The following C16orf87 variants were observed in gnomAD, a reference collection of about 807,000 sequenced individuals.
C16orf87 encodes HDAC and MIER1 interacting protein 1, also known as UPF0547 protein C16orf87.
In C16orf87, 13 loss-of-function variants were observed where a neutral mutation model predicts 21.0. The observed-to-expected ratio is 0.62, with a 90% confidence interval of 0.40 to 0.98. The LOEUF (loss-of-function observed/expected upper bound fraction) is 0.98, where lower values mean the gene tolerates loss of function less well. Ranked by LOEUF, C16orf87 falls within the 50% of genes least tolerant of loss-of-function variation. C16orf87 has a pLI of 0.00. For synonymous variants in C16orf87, 49 were observed against 60.2 expected, an observed-to-expected ratio of 0.81 and a Z score of 0.86; for missense variants, 113 against 180.4, an observed-to-expected ratio of 0.63 and a Z score of 2.14.
At chr16:46,819,490 A>T (rs933491640) in intron 2 of C16orf87, among the ~76,000 whole-genome samples, 1 of 151,442 alleles carries the variant, frequency 6.6e-6, no homozygotes, top group Non-Finnish European at 1.5e-5. Flanking sequence ...TTGTATTTTT[A>T]GCAGAGACGG....
chr16:46,814,404 A>T (rs775471496), intron 2 of C16orf87, among the ~76,000 whole-genome samples: 1 of 152,220 alleles, frequency 6.6e-6, no homozygotes, highest in Non-Finnish European at 1.5e-5. Context: ...GGAACAGAGC[A>T]ATGTGCAAGA....
intron 1 of C16orf87, 85 bp downstream of exon 1, chr16:46,830,999 C>T: frequency 5.3e-6 from 6 of 1,129,926 alleles, no homozygotes; most frequent in Non-Finnish European, 7.5e-6. Flanking sequence ...CGCTCGGCCT[C>T]CGGGAGCCCG....
Position 46,798,701 on chromosome 16 carries a change from A to G in C16orf87, c.*4251T>C. ...AGAGGGTGCAGTGAGCCAAGATCGCACCATTGCACTCCAGCCTGGGTGACA... is the reference window on the plus strand; with the variant it reads ...AGAGGGTGCAGTGAGCCAAGATCGCGCCATTGCACTCCAGCCTGGGTGACA... On this transcript the variant is annotated 3_prime_UTR_variant, in exon 4 of 4. Transcript: ENST00000285697. 1 of 152,632 alleles carries G rather than the reference A, an allele frequency of 6.6e-6. No individual in the cohort carries two copies. Among genetic ancestry groups the G allele is most frequent in the Non-Finnish European group, 1.5e-5 (1 of 68,384 alleles). 9.5% of individuals were successfully genotyped at this position (152,632 alleles called of 1,614,324 possible). A position where few individuals can be genotyped will look rare whatever the true frequency, so the allele number is the denominator to read the frequency against.
At chr16:46,804,119 A>C (rs556656404) in intron 3 of C16orf87, among the ~76,000 whole-genome samples, 2 of 152,258 alleles carry the variant, frequency 1.3e-5, no homozygotes, top group East Asian at 3.9e-4. Context: ...TTCTAACTCA[A>C]CCCAATGTCT....
In C16orf87 at chr16:46,802,870, A is replaced by G; in HGVS notation, c.*82T>C. ...CGATGGCCCTTATTGATGCAGTCAG[A>G]ATGCTCCTGAGAGTCCATAACTGTT... On this transcript the variant is annotated 3_prime_UTR_variant, in exon 4 of 4. Transcript: ENST00000285697. 1 of 724,272 alleles carries G rather than the reference A, an allele frequency of 1.4e-6. No homozygotes were observed. Among genetic ancestry groups the G allele is most frequent in the Non-Finnish European group, 2.5e-6 (1 of 402,220 alleles). The allele number at this position is 724,272 out of a possible 1,614,324, so 44.9% of individuals were successfully genotyped here. A position where few individuals can be genotyped will look rare whatever the true frequency, so the allele number is the denominator to read the frequency against.
At chr16:46,805,406 T>A (rs903879174) in intron 3 of C16orf87, among the ~76,000 whole-genome samples, 2 of 152,128 alleles carry the variant, frequency 1.3e-5, no homozygotes, top group Non-Finnish European at 2.9e-5. Context: ...TGTTTTGGGG[T>A]TTTTTGGAAT....
At chr16:46,821,546 C>T (rs1177634016) in intron 2 of C16orf87, among the ~76,000 whole-genome samples, 1 of 152,184 alleles carries the variant, frequency 6.6e-6, no homozygotes, top group East Asian at 1.9e-4. Context: ...ACCACTCTTA[C>T]TAAACAAGGA....
chr16:46,816,403 A>C (rs1283702408), intron 2 of C16orf87, among the ~76,000 whole-genome samples: 2 of 152,234 alleles, frequency 1.3e-5, no homozygotes, highest in East Asian at 1.9e-4. Flanking sequence ...TTTTCCCACA[A>C]TAAAAGTATT....
At position 46,801,988 on chromosome 16, in the gene C16orf87, A is replaced by G. The variant is rs1266149614; in HGVS notation, c.*964T>C. 2 of 152,230 alleles carry G rather than the reference A, an allele frequency of 1.3e-5. No individual in the cohort carries two copies. The highest frequency in any genetic ancestry group is 3.8e-4 in the East Asian group (2 of 5,206). 9.4% of individuals were successfully genotyped at this position (152,230 alleles called of 1,614,324 possible). A position where few individuals can be genotyped will look rare whatever the true frequency, so the allele number is the denominator to read the frequency against. Reference sequence around the variant, plus strand: ...AACACTAGAAAAATTAAGAATTTAAATATATTTCACAAACTTCACCAGAAC... The same window carrying G: ...AACACTAGAAAAATTAAGAATTTAAGTATATTTCACAAACTTCACCAGAAC... On this transcript the variant is annotated 3_prime_UTR_variant, in exon 4 of 4. Coordinates refer to ENST00000285697, the MANE Select transcript of C16orf87 (RefSeq NM_001001436.4).
chr16:46,823,743 C>T (rs1359727250), intron 2 of C16orf87, among the ~76,000 whole-genome samples: 3 of 152,012 alleles, frequency 2.0e-5, no homozygotes, highest in Non-Finnish European at 2.9e-5. Context: ...AATCTCCATA[C>T]AAAGACTCCT....
chr16:46,810,218 T>TA (rs1372649440), intron 2 of C16orf87, among the ~76,000 whole-genome samples: 2 of 152,134 alleles, frequency 1.3e-5, no homozygotes, highest in Non-Finnish European at 2.9e-5. Context: ...AAACTGATCT[T>TA]AGAGATAACG....
chr16:46,811,513 AAAAAG>A (rs1262426951), intron 2 of C16orf87, among the ~76,000 whole-genome samples: 2 of 152,052 alleles, frequency 1.3e-5, no homozygotes, highest in African/African-American at 4.8e-5. Context: ...AAAAAAAAAA[AAAAAG>A]AGAGAGAGAA....
rs527906916 is a variant in C16orf87 at position 46,824,912 on chromosome 16, C to T, written c.67-430G>A. ...AACTCCTCACCTCGTGATCCGCCCACCTCAGCCTCTCAAAGTGCTAGGATA... is the reference window on the plus strand; with the variant it reads ...AACTCCTCACCTCGTGATCCGCCCATCTCAGCCTCTCAAAGTGCTAGGATA... On this transcript the variant is annotated intron_variant, in intron 1 of 3. Coordinates refer to ENST00000285697, the MANE Select transcript of C16orf87 (RefSeq NM_001001436.4). Among the ~76,000 whole-genome samples the T allele has an allele frequency of 5.9e-5, 9 of 152,264 alleles. No homozygotes were observed. In the East Asian group the frequency reaches 1.7e-3, roughly 29 times the overall value.
intron 2 of C16orf87, among the ~76,000 whole-genome samples, chr16:46,819,296 C>A (rs1371276962): frequency 6.6e-6 from 1 of 152,012 alleles, no homozygotes; most frequent in Non-Finnish European, 1.5e-5. Context: ...TGTTGCCCAG[C>A]CTGGTCTCGA....
At chr16:46,826,181 A>G (rs1404161002) in intron 1 of C16orf87, among the ~76,000 whole-genome samples, 1 of 152,212 alleles carries the variant, frequency 6.6e-6, no homozygotes, top group African/African-American at 2.4e-5. Context: ...CTCCAAACTT[A>G]TAACTGTTTT....
intron 2 of C16orf87, among the ~76,000 whole-genome samples, chr16:46,811,156 G>T (rs1394923578): frequency 6.6e-6 from 1 of 152,128 alleles, no homozygotes; most frequent in East Asian, 1.9e-4. Flanking sequence ...TTTTCAACCT[G>T]CAATGAACTA....
intron 2 of C16orf87, among the ~76,000 whole-genome samples, chr16:46,813,787 T>C (rs1968166820): frequency 6.6e-6 from 1 of 152,218 alleles, no homozygotes; most frequent in Admixed American, 6.5e-5. Flanking sequence ...GATATCCATA[T>C]ACAGGTCACT....
Position 46,797,972 on chromosome 16 carries a change from G to A in C16orf87, c.*4980C>T, listed in dbSNP as rs1967660316. 1 of 152,032 alleles carries A rather than the reference G, an allele frequency of 6.6e-6. No homozygotes were observed. Among genetic ancestry groups the A allele is most frequent in the Admixed American group, 6.6e-5 (1 of 15,264 alleles). 9.4% of individuals were successfully genotyped at this position (152,032 alleles called of 1,614,324 possible). ...AATTACAACACAATAAAATTTGTGA[G>A]ATAAAGCAAATGGGAAATTTATAGC... On this transcript the variant is annotated 3_prime_UTR_variant, in exon 4 of 4. Transcript: ENST00000285697.
intron 1 of C16orf87, among the ~76,000 whole-genome samples, chr16:46,825,558 C>T (rs1195071766): frequency 6.6e-6 from 1 of 152,120 alleles, no homozygotes; most frequent in East Asian, 1.9e-4. Flanking sequence ...AAGCATTCTT[C>T]CTTTTTGTTA....
Sources: gnomAD v4.1 joint callset for allele counts (sites outside exome capture counted in the v4.1 genomes callset) on GRCh38, gnomAD v4.1.1 for gene constraint, MANE v1.5 for transcripts, NCBI Gene and HGNC (gene_info 2026-07-23, HGNC 2026-07-21) for gene names.